DNAH10: variants seen among roughly 807,000 people sequenced by gnomAD.
The protein encoded by DNAH10 is axonemal beta dynein heavy chain 10.
A neutral mutation model predicts 506.6 loss-of-function variants in DNAH10; 348 were observed. The observed-to-expected ratio is 0.69, with a 90% CI of 0.63 to 0.75. The LOEUF (loss-of-function observed/expected upper bound fraction) is 0.75, where lower values mean the gene tolerates loss of function less well. DNAH10 is among the 30% of genes least tolerant of loss of function. The pLI, the probability that DNAH10 is intolerant of heterozygous loss-of-function variation, is 0.00. For synonymous variants in DNAH10, 2,059 were observed against 2,198.6 expected (o/e 0.94, Z 1.78); for missense variants, 5,179 against 5,787.1 (o/e 0.89, Z 3.41).
At chr12:123,791,996 C>A (rs970362413) in intron 11 of DNAH10, among the ~76,000 whole-genome samples, 1 of 152,054 alleles carries the variant, frequency 6.6e-6, no homozygotes, top group Non-Finnish European at 1.5e-5. Flanking sequence ...TAAGAACAAG[C>A]CGATGTGGTT....
In DNAH10 at chr12:123,919,224, C is replaced by T. The variant is rs927337927; in HGVS notation, c.11506+275C>T. 7.9e-5 allele frequency among the ~76,000 whole-genome samples: 12 copies of T among 151,940 alleles called. No individual in the cohort carries two copies. Among genetic ancestry groups the T allele is most frequent in the African/African-American group, 2.2e-4 (9 of 41,338 alleles). On this transcript the variant is annotated intron_variant, in intron 65 of 78. Transcript: ENST00000673944. The surrounding 1 kb of genome is among the most constrained non-coding windows in gnomAD (Gnocchi z 4.9). ...CAGAGTAGCTGGGACTAAAGGCACG[C>T]CACCACACCCAGCTAAGTTTTTGTA... is the stretch of plus-strand genomic sequence containing the variant.
Position 123,916,479 on chromosome 12 carries a change from A to C in DNAH10, c.10745A>C (p.Asp3582Ala), listed in dbSNP as rs779552639. 24 of 1,611,174 alleles carry C rather than the reference A, an allele frequency of 1.5e-5. No individual in the cohort carries two copies. The highest frequency in any genetic ancestry group is 1.9e-5 in the Non-Finnish European group (22 of 1,178,446). Residue 3582 changes from aspartate to alanine, a missense_variant, in exon 63 of 79, where the codon GAC (aspartate) becomes GCC (alanine). Asp to Ala is a moderately radical substitution (Grantham distance 126). This residue lies in a region of DNAH10 where 4,844 missense variants were observed against 5,430.5 expected (regional missense o/e 0.89). Coordinates refer to ENST00000673944, the MANE Select transcript of DNAH10 (RefSeq NM_001372106.1). This position sits in a 1 kb window ranked among gnomAD's most constrained non-coding sequence, Gnocchi z 4.6. ...CAGGTCGCTTCCTTTAATGACCCTG[A>C]CTTCCTCAAGCAGCTAGAGATGTCC... ...NLRVASFNDP[D>A]FLKQLEMSIK... is the part of the protein sequence containing the mutation.
intron 9 of DNAH10, among the ~76,000 whole-genome samples, chr12:123,786,819 C>T (rs997163986): frequency 6.6e-6 from 1 of 151,962 alleles, no homozygotes; most frequent in African/African-American, 2.4e-5. Flanking sequence ...AGACAGATAA[C>T]TTTTTTCACT....
intron 10 of DNAH10, among the ~76,000 whole-genome samples, 182 bp downstream of exon 10, chr12:123,788,184 G>A (rs927225904): frequency 2.6e-5 from 4 of 152,224 alleles, no homozygotes; most frequent in Non-Finnish European, 5.9e-5. Context: ...GTACACCAGA[G>A]CTTTGCGACT....
chr12:123,826,457 C>T (rs189349404), intron 24 of DNAH10, among the ~76,000 whole-genome samples: 2 of 152,334 alleles, frequency 1.3e-5, no homozygotes, highest in Admixed American at 6.5e-5. Flanking sequence ...CTGGATCCCA[C>T]ACATCCTCAG....
intron 52 of DNAH10, among the ~76,000 whole-genome samples, chr12:123,890,232 C>T (rs982277585): frequency 1.3e-5 from 2 of 152,044 alleles, no homozygotes; most frequent in South Asian, 2.1e-4. Context: ...AGTGCAATGA[C>T]GTAGTCCAGA....
chr12:123,833,381 G>A, intron 27 of DNAH10, 34 bp downstream of exon 27: 1 of 1,544,828 alleles, frequency 6.5e-7, no homozygotes, highest in Non-Finnish European at 8.9e-7. Flanking sequence ...ATGGATTAGA[G>A]CCAGTGCATA....
chr12:123,874,903 G>A (rs554123638), intron 46 of DNAH10, among the ~76,000 whole-genome samples: 42 of 149,858 alleles, frequency 2.8e-4, no homozygotes, highest in African/African-American at 9.3e-4. Flanking sequence ...TTGTCCATTC[G>A]TCCATCTGTC....
At chr12:123,780,685 G>A (rs1957611252) in intron 5 of DNAH10, among the ~76,000 whole-genome samples, 1 of 151,628 alleles carries the variant, frequency 6.6e-6, no homozygotes, top group Non-Finnish European at 1.5e-5. Flanking sequence ...TGGGTGCAGT[G>A]GCTCACGCCT....
At position 123,909,500 on chromosome 12, in the gene DNAH10, T is replaced by C; in HGVS notation, c.9997+58T>C. The C allele has an allele frequency of 1.1e-5, 16 of 1,492,064 alleles. No homozygotes were observed. Among genetic ancestry groups the C allele is most frequent in the Non-Finnish European group, 1.4e-5 (16 of 1,115,094 alleles). 92.4% of individuals were successfully genotyped at this position (1,492,064 alleles called of 1,614,324 possible). On this transcript the variant is annotated intron_variant, in intron 58 of 78. Coordinates refer to ENST00000673944, the MANE Select transcript of DNAH10 (RefSeq NM_001372106.1). This position sits in a 1 kb window ranked among gnomAD's most constrained non-coding sequence, Gnocchi z 5.4. ...TGGATCTCGGTCTGGCATCTCAGGCTCTGGGACAGGGATGGAGGGCAAGGA... is the reference window on the plus strand; with the variant it reads ...TGGATCTCGGTCTGGCATCTCAGGCCCTGGGACAGGGATGGAGGGCAAGGA...
In DNAH10 at chr12:123,875,237, G is replaced by A. The variant is rs1267563266; in HGVS notation, c.7945G>A (p.Glu2649Lys). The A allele has an allele frequency of 1.2e-6, 2 of 1,608,514 alleles. No individual in the cohort carries two copies. The highest frequency in any genetic ancestry group is 1.7e-6 in the Non-Finnish European group (2 of 1,176,922). Residue 2649 changes from glutamate (E) to lysine (K), a missense_variant, in exon 47 of 79, where the codon GAA becomes AAA. This residue lies in a region of DNAH10 where 4,844 missense variants were observed against 5,430.5 expected (regional missense o/e 0.89). Transcript: ENST00000673944. ...MDDMNMPRVDEYGTQQPIALL... is the reference protein window; with the variant it reads ...MDDMNMPRVDKYGTQQPIALL... ...TTTTTTAAAAAAAATCAAGGTGGATGAATATGGCACGCAGCAGCCCATTGC... is the reference window on the plus strand; with the variant it reads ...TTTTTTAAAAAAAATCAAGGTGGATAAATATGGCACGCAGCAGCCCATTGC...
In DNAH10 at chr12:123,917,149, T is replaced by C. The variant is rs1394817725; in HGVS notation, c.11002+413T>C. ...CATGCTCCTGCTTAAATAGGCTAAT[T>C]TGATTTGGATGTACTTTCTTTTCTT... On this transcript the variant is annotated intron_variant, in intron 63 of 78. Coordinates refer to ENST00000673944, the MANE Select transcript of DNAH10 (RefSeq NM_001372106.1). The surrounding 1 kb of genome is among the most constrained non-coding windows in gnomAD (Gnocchi z 5.6). 6.6e-6 allele frequency among the ~76,000 whole-genome samples: 1 copy of C among 150,472 alleles called. No individual in the cohort carries two copies. Among genetic ancestry groups the C allele is most frequent in the Non-Finnish European group, 1.5e-5 (1 of 67,586 alleles).
At chr12:123,874,242 G>A (rs1952148141) in intron 46 of DNAH10, among the ~76,000 whole-genome samples, 1 of 151,512 alleles carries the variant, frequency 6.6e-6, no homozygotes, top group African/African-American at 2.4e-5. Context: ...CAGAAGGACT[G>A]TATGCAAAGC....
Position 123,765,018 on chromosome 12 carries a change from A to G in DNAH10, c.214+2468A>G, listed in dbSNP as rs115742781. On this transcript the variant is annotated intron_variant, in intron 1 of 78. Transcript: ENST00000673944. ...TTTCCCTAGATTATTTTTGGGGGAC[A>G]GGTGGTTCTGGTCTGTTCAGAGGAC... is the stretch of plus-strand genomic sequence containing the variant. 3.2e-3 allele frequency among the ~76,000 whole-genome samples: 492 copies of G among 152,100 alleles called. 3 individuals carry two copies. The highest frequency in any genetic ancestry group is 0.011 in the African/African-American group (476 of 41,466).
chr12:123,914,948 G>T lies in DNAH10; in HGVS notation c.10671G>T (p.Gln3557His). 1.2e-6 allele frequency: 2 copies of T among 1,612,228 alleles called. No individual in the cohort carries two copies. Among genetic ancestry groups the T allele is most frequent in the Non-Finnish European group, 1.7e-6 (2 of 1,179,182 alleles). The change falls in exon 62 of 79, where the codon CAG becomes CAT. Residue 3557 changes from glutamine (Q) to histidine (H), a missense_variant. Gln to His is a conservative substitution (Grantham distance 24). Around this residue, in one of 3 missense-constraint regions of DNAH10, gnomAD observed 4,844 missense variants for 5,430.5 expected, o/e 0.89. Coordinates refer to ENST00000673944, the MANE Select transcript of DNAH10 (RefSeq NM_001372106.1). The stretch of plus-strand genomic sequence containing the variant: ...GCTTCCCTCTGTGTATCGACCCCCA[G>T]CAGCAGGCCCTCAACTGGATCAAGA... ...ASRFPLCIDPQQQALNWIKRK... is the reference protein window; with the variant it reads ...ASRFPLCIDPHQQALNWIKRK...
At position 123,898,768 on chromosome 12, in the gene DNAH10, C is replaced by T. The variant is rs202083798; in HGVS notation, c.9594C>T (p.Ala3198=). ...AGATCGTGCTGGCGGAGAAGTCCGCCGCCTGCGAGGCCTTGCTGGAGGAGA... is the reference window on the plus strand; with the variant it reads ...AGATCGTGCTGGCGGAGAAGTCCGCTGCCTGCGAGGCCTTGCTGGAGGAGA... ...EQKIVLAEKS[A]ACEALLEEIA... Residue 3198 remains alanine, a synonymous_variant, in exon 56 of 79, where the codon GCC becomes GCT. Transcript: ENST00000673944. The T allele has an allele frequency of 2.0e-4, 327 of 1,612,436 alleles. No individual in the cohort carries two copies. The African/African-American group carries it at 3.8e-3, about 19-fold the overall frequency.
chr12:123,871,653 A>G (rs1952042071), intron 45 of DNAH10, 51 bp downstream of exon 45: 1 of 1,524,642 alleles, frequency 6.6e-7, no homozygotes, highest in African/African-American at 1.4e-5. Flanking sequence ...AAATTATTCC[A>G]GTGCATAGCA....
Position 123,933,354 on chromosome 12 carries a change from G to C in DNAH10, c.13320G>C (p.Val4440=). 1 of 1,597,652 alleles carries C rather than the reference G, an allele frequency of 6.3e-7. No individual in the cohort carries two copies. Among genetic ancestry groups the C allele is most frequent in the Non-Finnish European group, 8.5e-7 (1 of 1,172,444 alleles). Residue 4440 remains valine, a synonymous_variant, in exon 77 of 79, where the codon GTG becomes GTC. Transcript: ENST00000673944. ...AGGTGACCGAGAGCGAGCCCAGCGT[G>C]ATGTGGCTCTCGGGGCTGCACATCC... ...MLWVTESEPS[V]MWLSGLHIPE...
chr12:123,798,720 A>G (rs1353853275), intron 13 of DNAH10, among the ~76,000 whole-genome samples: 2 of 148,226 alleles, frequency 1.3e-5, no homozygotes, highest in East Asian at 1.9e-4. Context: ...ATAACTATAT[A>G]TTATTTATTA....
Sources: allele counts gnomAD v4.1 joint callset (sites outside exome capture counted in the v4.1 genomes callset), GRCh38; gene constraint gnomAD v4.1.1; regional missense constraint gnomAD v4.1.1; non-coding constraint Gnocchi (gnomAD v3.1); transcripts MANE v1.5; gene names NCBI Gene and HGNC (gene_info 2026-07-23, HGNC 2026-07-21).